The following FNIP2 variants were observed in gnomAD, a reference collection of about 807,000 sequenced individuals.
FNIP2 encodes the protein folliculin interacting protein 2.
A neutral mutation model predicts 108.7 loss-of-function variants in FNIP2; 32 were observed. The observed-to-expected ratio is 0.29, with a 90% CI of 0.22 to 0.40. The LOEUF (loss-of-function observed/expected upper bound fraction) is 0.40, where lower values mean the gene tolerates loss of function less well. Among genes scored for constraint, FNIP2 ranks in the 10% least tolerant of loss-of-function variants. The probability of loss-of-function intolerance (pLI) is 1.00; values close to 1 mark genes in which losing one functional copy is unlikely to be tolerated. For synonymous variants in FNIP2, 480 were observed against 496.7 expected (o/e 0.97, Z 0.45); for missense variants, 1,202 against 1,381.6 (o/e 0.87, Z 2.06).
Position 158,891,498 on chromosome 4 carries a change from C to T in FNIP2, c.3002C>T (p.Thr1001Met), listed in dbSNP as rs769906582. The T allele has an allele frequency of 6.0e-5, 96 of 1,608,820 alleles. No homozygotes were observed. The highest frequency in any genetic ancestry group is 7.9e-5 in the Non-Finnish European group (93 of 1,177,652). Residue 1001 changes from threonine (T) to methionine (M), a missense_variant, in exon 15 of 17, where the codon ACG (threonine) becomes ATG (methionine). Transcript: ENST00000264433. ...IAEAVCIIADTDKWSVQVATS... is the reference protein window; with the variant it reads ...IAEAVCIIADMDKWSVQVATS... ...GAAGCTGTCTGTATTATCGCAGACA[C>T]GGATAAATGGAGTGTGCAGGTAGCT...
At chr4:158,781,660 G>A (rs553392878) in intron 1 of FNIP2, among the ~76,000 whole-genome samples, 25 of 152,146 alleles carry the variant, frequency 1.6e-4, no homozygotes, top group Admixed American at 4.6e-4. Flanking sequence ...GACTACAGGC[G>A]CATGCCACCA....
At chr4:158,800,691 T>A (rs1469887005) in intron 1 of FNIP2, among the ~76,000 whole-genome samples, 1 of 152,220 alleles carries the variant, frequency 6.6e-6, no homozygotes, top group Non-Finnish European at 1.5e-5. Context: ...CTGATATTGT[T>A]TTTCTATGCT....
intron 3 of FNIP2, 112 bp from the exon 4 acceptor site, chr4:158,831,749 G>A (rs780640724): frequency 1.4e-6 from 1 of 709,810 alleles, no homozygotes; most frequent in Non-Finnish European, 2.4e-6. Flanking sequence ...TTGAAGCTTT[G>A]AGAAATAGTT....
At chr4:158,825,810 G>T (rs1277373265) in intron 1 of FNIP2, 106 bp from the exon 2 acceptor site, 2 of 1,348,048 alleles carry the variant, frequency 1.5e-6, no homozygotes, top group Non-Finnish European at 2.1e-6. Context: ...GCATGCTTGT[G>T]GCCTTTTGAT....
intron 14 of FNIP2, among the ~76,000 whole-genome samples, chr4:158,888,348 T>C (rs538607290): frequency 1.3e-5 from 2 of 152,360 alleles, no homozygotes; most frequent in African/African-American, 4.8e-5. Context: ...AAGTCAGCAA[T>C]CCATGCTGTA....
At chr4:158,773,293 A>G (rs1171654162) in intron 1 of FNIP2, among the ~76,000 whole-genome samples, 2 of 152,192 alleles carry the variant, frequency 1.3e-5, no homozygotes, top group African/African-American at 4.8e-5. Flanking sequence ...CCTGAAAGAT[A>G]CTATGCACTG....
chr4:158,902,445 G>A (rs898004740), intron 16 of FNIP2, among the ~76,000 whole-genome samples: 6 of 152,220 alleles, frequency 3.9e-5, no homozygotes, highest in Non-Finnish European at 7.3e-5. Context: ...GTGTCTCCCA[G>A]TCAGGATACA....
intron 1 of FNIP2, among the ~76,000 whole-genome samples, chr4:158,825,094 G>T (rs1347362307): frequency 6.6e-6 from 1 of 152,210 alleles, no homozygotes; most frequent in Non-Finnish European, 1.5e-5. Flanking sequence ...ATTAATTGCT[G>T]AGTCTCTAGC....
At chr4:158,808,642 C>T (rs10857319) in intron 1 of FNIP2, 47,409 of 152,000 alleles carry the variant, frequency 0.31, 9,696 homozygotes, top group East Asian at 0.82. Flanking sequence ...TATTGACAGG[C>T]GCTTGCACTG....
At chr4:158,823,350 C>G (rs944470320) in intron 1 of FNIP2, among the ~76,000 whole-genome samples, 4 of 152,188 alleles carry the variant, frequency 2.6e-5, no homozygotes, top group African/African-American at 9.7e-5. Flanking sequence ...ACTGCAACCT[C>G]TGTCTCCCAA....
intron 1 of FNIP2, among the ~76,000 whole-genome samples, chr4:158,811,133 C>A (rs1777244908): frequency 6.6e-6 from 1 of 152,126 alleles, no homozygotes; most frequent in Admixed American, 6.5e-5. Flanking sequence ...CCCAAGGTTC[C>A]TGGGAATATT....
chr4:158,795,094 G>C (rs144628427), intron 1 of FNIP2, among the ~76,000 whole-genome samples: 22 of 152,332 alleles, frequency 1.4e-4, no homozygotes, highest in Admixed American at 1.2e-3. Flanking sequence ...ATCAGGGTTA[G>C]CATTAGCTTG....
At chr4:158,874,391 A>G (rs1781133609) in intron 14 of FNIP2, among the ~76,000 whole-genome samples, 1 of 151,322 alleles carries the variant, frequency 6.6e-6, no homozygotes, top group Admixed American at 6.6e-5. Flanking sequence ...TAAGTGCCCA[A>G]TAAATGTGGG....
intron 16 of FNIP2, among the ~76,000 whole-genome samples, chr4:158,897,002 C>A (rs1039349102): frequency 9.2e-5 from 14 of 152,198 alleles, no homozygotes; most frequent in Middle Eastern, 3.4e-3. Flanking sequence ...CCCAGCCCCC[C>A]ACCCGCCAAA....
At chr4:158,840,948 T>C (rs1779097330) in intron 7 of FNIP2, among the ~76,000 whole-genome samples, 1 of 152,234 alleles carries the variant, frequency 6.6e-6, no homozygotes, top group Admixed American at 6.5e-5. Flanking sequence ...CTTTTAAACA[T>C]TTTTATTTAA....
chr4:158,883,532 CG>C (rs1781838684), intron 14 of FNIP2, among the ~76,000 whole-genome samples: 1 of 152,210 alleles, frequency 6.6e-6, no homozygotes, highest in Non-Finnish European at 1.5e-5. Context: ...TGAGCCATCG[CG>C]CCCAGCCTCC....
chr4:158,868,439 C>T lies in FNIP2; in HGVS notation c.1803C>T (p.Cys601=). Residue 601 remains cysteine, a synonymous_variant, in exon 13 of 17, where the codon TGC becomes TGT. Coordinates refer to ENST00000264433, the MANE Select transcript of FNIP2 (RefSeq NM_020840.3). This position sits in a 1 kb window ranked among gnomAD's most constrained non-coding sequence, Gnocchi z 4.6. ...HNPWPTGFPE[C]PEGTDSRDLG... is the part of the protein sequence containing the mutation. ...CCTGGCCGACAGGGTTTCCTGAGTG[C>T]CCAGAGGGCACTGACAGTAGAGACC... 1.2e-6 allele frequency: 2 copies of T among 1,613,988 alleles called. No homozygotes were observed. Among genetic ancestry groups the T allele is most frequent in the Non-Finnish European group, 1.7e-6 (2 of 1,179,898 alleles).
intron 8 of FNIP2, among the ~76,000 whole-genome samples, chr4:158,853,074 A>G (rs1022838387): frequency 6.6e-6 from 1 of 152,178 alleles, no homozygotes; most frequent in Non-Finnish European, 1.5e-5. Context: ...GATGATAGTG[A>G]TAGATGAATA....
At chr4:158,886,511 C>A (rs17037735) in intron 14 of FNIP2, among the ~76,000 whole-genome samples, 7,392 of 152,290 alleles carry the variant, frequency 0.049, 473 homozygotes, top group African/African-American at 0.15. Context: ...GATACCCTGG[C>A]TGCCGTTGGA....
Sources: allele counts gnomAD v4.1 joint callset (sites outside exome capture counted in the v4.1 genomes callset), GRCh38; gene constraint gnomAD v4.1.1; non-coding constraint Gnocchi (gnomAD v3.1); transcripts MANE v1.5; gene names NCBI Gene and HGNC (gene_info 2026-07-23, HGNC 2026-07-21).